The following EVC2 variants were observed in gnomAD, a reference collection of about 807,000 sequenced individuals.
EVC2 encodes EvC ciliary complex subunit 2.
EVC2 carries 148 observed loss-of-function variants against 149.3 expected under a neutral mutation model. The observed-to-expected ratio is 0.99, with a 90% CI of 0.87 to 1.14. EVC2 has a LOEUF of 1.14. Among genes scored for constraint, EVC2 ranks in the 50% most tolerant of loss-of-function variants. EVC2 has a pLI of 0.00. For synonymous variants in EVC2, 776 were observed against 649.9 expected, an observed-to-expected ratio of 1.19 and a Z score of -2.95; for missense variants, 1,854 against 1,627.3, an observed-to-expected ratio of 1.14 and a Z score of -2.40.
chr4:5,632,503 G>A (rs539024972), intron 10 of EVC2, among the ~76,000 whole-genome samples: 1 of 152,274 alleles, frequency 6.6e-6, no homozygotes, highest in African/African-American at 2.4e-5. Flanking sequence ...GTGGAAATCT[G>A]CAAATCAAAC....
At chr4:5,590,720 C>A (rs187471086) in intron 16 of EVC2, among the ~76,000 whole-genome samples, 3 of 152,252 alleles carry the variant, frequency 2.0e-5, no homozygotes, top group East Asian at 3.9e-4. Context: ...AAAACACCAC[C>A]CTTAGATCAT....
chr4:5,582,411 C>T (rs1711876798), intron 17 of EVC2, among the ~76,000 whole-genome samples: 5 of 152,234 alleles, frequency 3.3e-5, no homozygotes. Context: ...TGACTACCAT[C>T]CTGCATTTCA....
intron 7 of EVC2, among the ~76,000 whole-genome samples, chr4:5,666,659 T>A (rs1172432819): frequency 6.6e-6 from 1 of 152,222 alleles, no homozygotes; most frequent in Non-Finnish European, 1.5e-5. Context: ...CAGACCTGGC[T>A]ACTTTCTAGG....
At chr4:5,532,430 T>C in the EVC2 span, among the ~76,000 whole-genome samples, 2 of 152,302 alleles carry the variant, frequency 1.3e-5, no homozygotes, top group African/African-American at 4.8e-5. Context: ...CTGGGCACTA[T>C]GGCCCGGCCA....
At position 5,567,329 on chromosome 4, in the gene EVC2, C is replaced by T. The variant is rs1722347237; in HGVS notation, c.3557+1115G>A. Among the ~76,000 whole-genome samples, 1 of 152,158 alleles carries T rather than the reference C, an allele frequency of 6.6e-6. No homozygotes were observed. Among genetic ancestry groups the T allele is most frequent in the Admixed American group, 6.5e-5 (1 of 15,288 alleles). Reference sequence around the variant, plus strand: ...GTCAGACTCTATTCACCCTCAGCAGCGCTTCTTGGATTTTGGGGTCAGATA... The same window carrying T: ...GTCAGACTCTATTCACCCTCAGCAGTGCTTCTTGGATTTTGGGGTCAGATA... On this transcript the variant is annotated intron_variant, in intron 20 of 21. Transcript: ENST00000344408. This position sits in a 1 kb window ranked among gnomAD's most constrained non-coding sequence, Gnocchi z 4.4.
At chr4:5,697,782 G>A in intron 1 of EVC2, 135 bp from the exon 2 acceptor site, 1 of 764,698 alleles carries the variant, frequency 1.3e-6, no homozygotes, top group Non-Finnish European at 2.2e-6. Context: ...GTCTTGCTCT[G>A]TCACCCAGGC....
Position 5,681,290 on chromosome 4 carries a change from A to T in EVC2, c.840T>A (p.Leu280=). 7 of 1,614,242 alleles carry T rather than the reference A, an allele frequency of 4.3e-6. No homozygotes were observed. Among genetic ancestry groups the T allele is most frequent in the Non-Finnish European group, 5.9e-6 (7 of 1,180,042 alleles). Residue 280 remains leucine, a synonymous_variant, in exon 7 of 22, where the codon CTT becomes CTA. Transcript: ENST00000344408. ...CGTTTTCTTCTGCTGTTATGGAAAA[A>T]AGCACTTTCAGCTGTGTTCTGTTCT... ...SSRNRTQLKV[L]FSITAEENVT...
Position 5,640,452 on chromosome 4 carries a change from G to T in EVC2, c.1470+62C>A. The T allele has an allele frequency of 1.2e-6, 2 of 1,600,336 alleles. No homozygotes were observed. Among genetic ancestry groups the T allele is most frequent in the South Asian group, 2.2e-5 (2 of 90,770 alleles). On this transcript the variant is annotated intron_variant, in intron 10 of 21. Transcript: ENST00000344408. This position sits in a 1 kb window ranked among gnomAD's most constrained non-coding sequence, Gnocchi z 4.6. ...CAAATGGACAGATGAGTGGGTAGAT[G>T]GATAAATGACAAATCCCTGAGAGAA... is the stretch of plus-strand genomic sequence containing the variant.
intron 7 of EVC2, among the ~76,000 whole-genome samples, chr4:5,674,119 G>A (rs1005359512): frequency 3.3e-5 from 5 of 152,182 alleles, no homozygotes; most frequent in Non-Finnish European, 5.9e-5. Flanking sequence ...ACAGAGGGGT[G>A]AGTGGCTTGC....
At chr4:5,593,284 T>C (rs530447411) in intron 16 of EVC2, among the ~76,000 whole-genome samples, 3 of 152,328 alleles carry the variant, frequency 2.0e-5, no homozygotes, top group African/African-American at 4.8e-5. Flanking sequence ...AGCTGTGCAG[T>C]TGGTCTCTCC....
intron 16 of EVC2, among the ~76,000 whole-genome samples, chr4:5,601,534 CA>C (rs1371623390): frequency 7.3e-6 from 1 of 136,758 alleles, no homozygotes; most frequent in Non-Finnish European, 1.6e-5. Context: ...AAAAAAAAAA[CA>C]ATGGACGAGA....
intron 16 of EVC2, among the ~76,000 whole-genome samples, chr4:5,598,635 T>A (rs1302658191): frequency 1.3e-5 from 2 of 151,962 alleles, no homozygotes; most frequent in South Asian, 2.1e-4. Flanking sequence ...AACCTAGGCA[T>A]TACCATTCAG....
intron 15 of EVC2, among the ~76,000 whole-genome samples, chr4:5,616,602 T>A (rs1367218024): frequency 6.6e-6 from 1 of 152,196 alleles, no homozygotes; most frequent in Admixed American, 6.5e-5. Flanking sequence ...TACACCCATT[T>A]TACAGATGAA....
At chr4:5,685,514 G>C (rs746535828) in intron 5 of EVC2, 35 bp from the exon 6 acceptor site, 2 of 1,583,864 alleles carry the variant, frequency 1.3e-6, no homozygotes, top group Admixed American at 3.3e-5. Context: ...CTCAGGGAGG[G>C]CTTGGCCACG....
intron 16 of EVC2, among the ~76,000 whole-genome samples, chr4:5,598,596 G>C (rs938995726): frequency 2.6e-5 from 4 of 152,146 alleles, no homozygotes; most frequent in African/African-American, 9.7e-5. Flanking sequence ...TTAAACGTTA[G>C]ACCTAAAATC....
Position 5,689,165 on chromosome 4 carries a change from A to G in EVC2, c.698T>C (p.Phe233Ser). The G allele has an allele frequency of 6.2e-7, 1 of 1,614,160 alleles. No homozygotes were observed. Among genetic ancestry groups the G allele is most frequent in the Non-Finnish European group, 8.5e-7 (1 of 1,180,048 alleles). ...GAACGCTTTGCTGTTACCTTGCAGA[A>G]ACTTCTTGCTAAAAGCCTGGAATCC... ...SEGFQAFSKK[F>S]LQVGDAFAVS... Residue 233 changes from phenylalanine to serine, a missense_variant, in exon 5 of 22, where the codon TTT becomes TCT. Coordinates refer to ENST00000344408, the MANE Select transcript of EVC2 (RefSeq NM_147127.5).
intron 10 of EVC2, among the ~76,000 whole-genome samples, chr4:5,638,962 T>C (rs1255494559): frequency 2.0e-5 from 3 of 152,142 alleles, no homozygotes; most frequent in African/African-American, 7.2e-5. Flanking sequence ...GCCACTAAAT[T>C]TGTGGTGATT....
At chr4:5,689,040 A>T in intron 5 of EVC2, 117 bp downstream of exon 5, 1 of 1,094,376 alleles carries the variant, frequency 9.1e-7, no homozygotes, top group South Asian at 1.3e-5. Context: ...TGTGAGGATT[A>T]GGAGAGTGAA....
chr4:5,690,000 T>C (rs1011652824), intron 4 of EVC2, among the ~76,000 whole-genome samples: 1 of 152,154 alleles, frequency 6.6e-6, no homozygotes, highest in African/African-American at 2.4e-5. Flanking sequence ...AAGGAAGCAA[T>C]GTGTGTGCTG....
Sources: gnomAD v4.1 joint callset for allele counts (sites outside exome capture counted in the v4.1 genomes callset) on GRCh38, gnomAD v4.1.1 for gene constraint, Gnocchi (gnomAD v3.1) non-coding constraint, MANE v1.5 for transcripts, NCBI Gene and HGNC (gene_info 2026-07-23, HGNC 2026-07-21) for gene names.